The following TMEM132D variants were observed in gnomAD, a reference collection of about 807,000 sequenced individuals.
TMEM132D encodes the protein mature OL transmembrane protein.
TMEM132D carries 21 observed loss-of-function variants against 62.3 expected under a neutral mutation model. The observed-to-expected ratio is 0.34, with a 90% CI of 0.24 to 0.49. TMEM132D has a LOEUF of 0.49. TMEM132D is among the 20% of genes least tolerant of loss of function. The pLI is 0.99. For synonymous variants in TMEM132D, 621 were observed against 575.6 expected, an observed-to-expected ratio of 1.08 and a Z score of -1.13; for missense variants, 1,346 against 1,402.8, an observed-to-expected ratio of 0.96 and a Z score of 0.65.
chr12:129,527,282 T>C (rs141049647), intron 3 of TMEM132D, among the ~76,000 whole-genome samples: 3,064 of 152,250 alleles, frequency 0.02, 124 homozygotes, highest in African/African-American at 0.07. Context: ...GCACTCCGGC[T>C]TGGGCAACAG....
At chr12:129,642,560 C>G (rs993493767) in intron 2 of TMEM132D, among the ~76,000 whole-genome samples, 2 of 152,232 alleles carry the variant, frequency 1.3e-5, no homozygotes, top group Non-Finnish European at 2.9e-5. Context: ...TCCCAGTTCA[C>G]TCCTACAGAT....
At chr12:129,769,253 G>A (rs984690452) in intron 1 of TMEM132D, among the ~76,000 whole-genome samples, 6 of 152,082 alleles carry the variant, frequency 3.9e-5, no homozygotes, top group South Asian at 2.1e-4. Context: ...GAGGTTGAAC[G>A]ACTCACAGTT....
At chr12:129,514,195 C>T (rs999184184) in intron 3 of TMEM132D, among the ~76,000 whole-genome samples, 1 of 152,060 alleles carries the variant, frequency 6.6e-6, no homozygotes, top group Non-Finnish European at 1.5e-5. Flanking sequence ...CATATCCAAC[C>T]GCAGTAGGCT....
intron 3 of TMEM132D, among the ~76,000 whole-genome samples, chr12:129,408,709 G>A (rs1259459788): frequency 6.6e-6 from 1 of 151,936 alleles, no homozygotes; most frequent in Non-Finnish European, 1.5e-5. Context: ...CGATATTTAT[G>A]AACTCTCTGT....
In TMEM132D at chr12:129,501,052, C is replaced by T. The variant is rs547434808; in HGVS notation, c.1115+30007G>A. 1.2e-4 allele frequency among the ~76,000 whole-genome samples: 19 copies of T among 152,284 alleles called. 2 individuals carry two copies. Among genetic ancestry groups the T allele is most frequent in the African/African-American group, 3.6e-4 (15 of 41,546 alleles). Reference sequence around the variant, plus strand: ...ATAAAGTTTGAGCACCTTTTGTCTACGATACCATACATAAAGAACAGAATC... The same window carrying T: ...ATAAAGTTTGAGCACCTTTTGTCTATGATACCATACATAAAGAACAGAATC... On this transcript the variant is annotated intron_variant, in intron 3 of 8. Transcript: ENST00000422113.
chr12:129,717,514 A>G (rs902118879), intron 1 of TMEM132D, among the ~76,000 whole-genome samples: 2 of 149,510 alleles, frequency 1.3e-5, no homozygotes, highest in African/African-American at 4.9e-5. Context: ...AACATTAATA[A>G]TATATTTAAT....
chr12:129,441,675 G>A (rs897544536), intron 3 of TMEM132D, among the ~76,000 whole-genome samples: 4 of 152,138 alleles, frequency 2.6e-5, no homozygotes, highest in Non-Finnish European at 5.9e-5. Flanking sequence ...CTACCAAAAA[G>A]AGCCCTGTGC....
At chr12:129,218,845 T>TAA (rs1157173331) in intron 4 of TMEM132D, among the ~76,000 whole-genome samples, 2 of 152,140 alleles carry the variant, frequency 1.3e-5, no homozygotes, top group African/African-American at 4.8e-5. Flanking sequence ...GAGTGAGGCG[T>TAA]AAGCAGCAGG....
chr12:129,805,158 C>T (rs913103732), intron 1 of TMEM132D, among the ~76,000 whole-genome samples: 64 of 151,494 alleles, frequency 4.2e-4, no homozygotes, highest in Middle Eastern at 6.8e-3. Context: ...ATCAAGCTAC[C>T]AATGCCTTTC....
chr12:129,828,517 A>G lies in TMEM132D; in HGVS notation c.79+74744T>C, dbSNP rs935488170. Among the ~76,000 whole-genome samples the G allele has an allele frequency of 5.7e-4, 86 of 151,178 alleles. 1 individual carries two copies. The highest frequency in any genetic ancestry group is 2.0e-3 in the African/African-American group (82 of 41,148). ...CCTCCCAATATCACAACCATTACCTATTACGTTGGTACAATATGAGCACTC... is the reference window on the plus strand; with the variant it reads ...CCTCCCAATATCACAACCATTACCTGTTACGTTGGTACAATATGAGCACTC... On this transcript the variant is annotated intron_variant, in intron 1 of 8. Coordinates refer to ENST00000422113, the MANE Select transcript of TMEM132D (RefSeq NM_133448.3).
At chr12:129,479,692 G>A (rs1468090116) in intron 3 of TMEM132D, among the ~76,000 whole-genome samples, 2 of 152,246 alleles carry the variant, frequency 1.3e-5, no homozygotes, top group Non-Finnish European at 2.9e-5. Context: ...GAAGAACGCT[G>A]GGGGTGATGT....
At chr12:129,118,131 C>T in intron 5 of TMEM132D, among the ~76,000 whole-genome samples, 1 of 152,300 alleles carries the variant, frequency 6.6e-6, no homozygotes, top group East Asian at 1.9e-4. Context: ...CTGTGCTTTT[C>T]CCCTAAAAAT....
intron 3 of TMEM132D, among the ~76,000 whole-genome samples, chr12:129,467,563 AGAG>A (rs1873951508): frequency 7.9e-5 from 12 of 152,338 alleles, no homozygotes; most frequent in Middle Eastern, 3.4e-3. Flanking sequence ...GGTGGAACCC[AGAG>A]GAGATTAAAA....
intron 5 of TMEM132D, among the ~76,000 whole-genome samples, chr12:129,128,323 A>G (rs1876274290): frequency 6.6e-6 from 1 of 152,214 alleles, no homozygotes; most frequent in Non-Finnish European, 1.5e-5. Flanking sequence ...TTATAAAGAA[A>G]AGAGGTTTAA....
At chr12:129,532,598 G>C (rs533442067) in intron 2 of TMEM132D, among the ~76,000 whole-genome samples, 2 of 152,330 alleles carry the variant, frequency 1.3e-5, no homozygotes, top group South Asian at 4.1e-4. Context: ...AAGCCTGCTG[G>C]CAAGGGTGGC....
At chr12:129,488,202 C>T (rs182806674) in intron 3 of TMEM132D, among the ~76,000 whole-genome samples, 4 of 152,278 alleles carry the variant, frequency 2.6e-5, no homozygotes, top group Admixed American at 6.5e-5. Context: ...ATAACATGGT[C>T]TGTGGAACTT....
chr12:129,118,118 G>T (rs1182382906), intron 5 of TMEM132D, among the ~76,000 whole-genome samples: 1 of 152,214 alleles, frequency 6.6e-6, no homozygotes, highest in African/African-American at 2.4e-5. Flanking sequence ...ACCTTGGTAT[G>T]TTCTGTGCTT....
chr12:129,302,810 T>C (rs1054820282), intron 4 of TMEM132D, among the ~76,000 whole-genome samples: 9 of 152,174 alleles, frequency 5.9e-5, no homozygotes, highest in East Asian at 5.8e-4. Context: ...CTCAAAGTCA[T>C]TGGGAGAAGG....
chr12:129,452,583 T>C (rs1873328884), intron 3 of TMEM132D, among the ~76,000 whole-genome samples: 1 of 152,208 alleles, frequency 6.6e-6, no homozygotes, highest in South Asian at 2.1e-4. Context: ...GCACTAACAT[T>C]ATCCTAATGT....
Sources: gnomAD v4.1 joint callset for allele counts (sites outside exome capture counted in the v4.1 genomes callset) on GRCh38, gnomAD v4.1.1 for gene constraint, MANE v1.5 for transcripts, NCBI Gene and HGNC (gene_info 2026-07-23, HGNC 2026-07-21) for gene names.